The following SUGCT variants were observed in gnomAD, a reference collection of about 807,000 sequenced individuals.
The protein encoded by SUGCT is succinyl-CoA:glutarate-CoA transferase, also known as succinyl-CoA:glutarate CoA-transferase.
A neutral mutation model predicts 55.0 loss-of-function variants in SUGCT; 41 were observed. The ratio of observed to expected loss-of-function variants is 0.74; its 90% CI spans 0.58 to 0.97. SUGCT has a LOEUF of 0.97. Among genes scored for constraint, SUGCT ranks in the 50% least tolerant of loss-of-function variants. The pLI is 0.00. For synonymous variants in SUGCT, 187 were observed against 200.4 expected (o/e 0.93, Z 0.56); for missense variants, 568 against 547.8 (o/e 1.04, Z -0.37).
intron 1 of SUGCT, among the ~76,000 whole-genome samples, chr7:40,169,611 A>G (rs1271527204): frequency 6.6e-6 from 1 of 152,134 alleles, no homozygotes; most frequent in African/African-American, 2.4e-5. Flanking sequence ...CTATTCGGAC[A>G]ATCTTTTTTA....
At chr7:40,215,894 A>G (rs182434231) in intron 6 of SUGCT, among the ~76,000 whole-genome samples, 155 of 152,108 alleles carry the variant, frequency 1.0e-3, no homozygotes, top group African/African-American at 3.5e-3. Context: ...TTAAGCCATT[A>G]AGCTAATTAA....
chr7:40,722,164 G>T (rs1786375005), intron 12 of SUGCT, among the ~76,000 whole-genome samples: 1 of 151,892 alleles, frequency 6.6e-6, no homozygotes, highest in African/African-American at 2.4e-5. Flanking sequence ...AGCACATTTT[G>T]CTACCAGTCA....
chr7:40,999,528 A>G, the SUGCT span, among the ~76,000 whole-genome samples: 1 of 152,328 alleles, frequency 6.6e-6, no homozygotes, highest in East Asian at 1.9e-4. Flanking sequence ...TTGCAAAGCA[A>G]GTAAAATAGT....
At chr7:40,283,975 A>C (rs1018608300) in intron 8 of SUGCT, among the ~76,000 whole-genome samples, 44 of 152,204 alleles carry the variant, frequency 2.9e-4, no homozygotes, top group Non-Finnish European at 6.5e-4. Context: ...TAGCCTTAAA[A>C]ATGAAGAAAA....
intron 10 of SUGCT, among the ~76,000 whole-genome samples, chr7:40,456,666 G>C (rs1789506066): frequency 6.6e-6 from 1 of 152,054 alleles, no homozygotes; most frequent in African/African-American, 2.4e-5. Flanking sequence ...GGTAATCAAG[G>C]TAGTTGCATT....
intron 8 of SUGCT, among the ~76,000 whole-genome samples, chr7:40,299,003 G>C (rs922695034): frequency 2.0e-5 from 3 of 152,068 alleles, no homozygotes; most frequent in Non-Finnish European, 4.4e-5. Flanking sequence ...ACAATGGTTT[G>C]AAAAGGAACA....
intron 9 of SUGCT, among the ~76,000 whole-genome samples, chr7:40,425,401 G>T (rs1216017925): frequency 6.6e-6 from 1 of 151,964 alleles, no homozygotes; most frequent in African/African-American, 2.4e-5. Context: ...GAAGGGACTT[G>T]TCTAACACCC....
At chr7:40,484,357 AT>A in intron 11 of SUGCT, among the ~76,000 whole-genome samples, 1 of 152,264 alleles carries the variant, frequency 6.6e-6, no homozygotes, top group South Asian at 2.1e-4. Flanking sequence ...ATTATGAGAC[AT>A]TTTGGAACCA....
At chr7:40,947,092 T>C in the SUGCT span, among the ~76,000 whole-genome samples, 1 of 152,208 alleles carries the variant, frequency 6.6e-6, no homozygotes, top group East Asian at 1.9e-4. Flanking sequence ...ACGTTATACA[T>C]ATGTTGGTAT....
intron 8 of SUGCT, among the ~76,000 whole-genome samples, chr7:40,294,860 A>T (rs954736339): frequency 2.6e-5 from 4 of 152,296 alleles, no homozygotes; most frequent in Admixed American, 2.6e-4. Context: ...TTGATGCATT[A>T]TTAATCTCGG....
intron 12 of SUGCT, among the ~76,000 whole-genome samples, chr7:40,528,310 T>C (rs1793910758): frequency 6.6e-6 from 1 of 152,198 alleles, no homozygotes; most frequent in South Asian, 2.1e-4. Flanking sequence ...TCCATGTAGA[T>C]TGATGTTTAG....
chr7:40,228,173 G>A (rs1788500749), intron 6 of SUGCT, among the ~76,000 whole-genome samples: 1 of 152,086 alleles, frequency 6.6e-6, no homozygotes, highest in Non-Finnish European at 1.5e-5. Flanking sequence ...GTGAGCCACT[G>A]CACCTGGTCT....
chr7:40,594,524 C>T lies in SUGCT; in HGVS notation c.1089+98138C>T, dbSNP rs182781976. ...GCTCTCAAATGATTTAATTAGCTCA[C>T]TTGGGCAAGTTAATTAACCTCCCTA... On this transcript the variant is annotated intron_variant, in intron 12 of 13. Transcript: ENST00000335693. Among the ~76,000 whole-genome samples the T allele has an allele frequency of 1.3e-3, 195 of 152,236 alleles. 1 individual carries two copies. The highest frequency in any genetic ancestry group is 4.5e-3 in the African/African-American group (187 of 41,546).
At chr7:40,184,938 C>A (rs1459783716) in intron 3 of SUGCT, among the ~76,000 whole-genome samples, 1 of 152,036 alleles carries the variant, frequency 6.6e-6, no homozygotes, top group African/African-American at 2.4e-5. Context: ...GATTCAATTT[C>A]TTGTTAAGTA....
intron 8 of SUGCT, among the ~76,000 whole-genome samples, chr7:40,306,742 C>G (rs1794871000): frequency 6.6e-6 from 1 of 152,194 alleles, no homozygotes; most frequent in Non-Finnish European, 1.5e-5. Context: ...TGTTGTTTTT[C>G]TACATTTCCA....
chr7:40,550,799 G>A (rs989945127), intron 12 of SUGCT, among the ~76,000 whole-genome samples: 4 of 152,096 alleles, frequency 2.6e-5, no homozygotes, highest in Non-Finnish European at 5.9e-5. Context: ...TGTGTCTTTT[G>A]AGGTGTCGCA....
chr7:40,429,844 A>G (rs182902417), intron 9 of SUGCT, among the ~76,000 whole-genome samples: 36 of 152,244 alleles, frequency 2.4e-4, no homozygotes, highest in Admixed American at 5.2e-4. Flanking sequence ...CACACATAGT[A>G]CCCTCTCTTT....
the SUGCT span, among the ~76,000 whole-genome samples, chr7:40,922,886 A>G: frequency 6.6e-6 from 1 of 152,188 alleles, no homozygotes; most frequent in South Asian, 2.1e-4. Flanking sequence ...TGGCTGTTTT[A>G]CACAGGCATG....
chr7:40,814,973 T>C (rs1282064188), intron 13 of SUGCT, among the ~76,000 whole-genome samples: 2 of 152,206 alleles, frequency 1.3e-5, no homozygotes, highest in Non-Finnish European at 2.9e-5. Flanking sequence ...TATAGCCCCA[T>C]GCACTTCTGA....
Sources: allele counts gnomAD v4.1 joint callset (sites outside exome capture counted in the v4.1 genomes callset), GRCh38; gene constraint gnomAD v4.1.1; transcripts MANE v1.5; gene names NCBI Gene and HGNC (gene_info 2026-07-23, HGNC 2026-07-21).